Variants in KRTAP10-1 observed in about 807,000 individuals in gnomAD.
The protein encoded by KRTAP10-1 is keratin-associated protein 10-1.
For synonymous variants in KRTAP10-1, 155 were observed against 153.3 expected (o/e 1.01, Z -0.08); for missense variants, 364 against 369.2 (o/e 0.99, Z 0.12).
In KRTAP10-1 at chr21:44,540,025, G is replaced by T. The variant is rs1555917023; in HGVS notation, c.126C>A (p.Cys42Ter). 1 of 1,613,104 alleles carries T rather than the reference G, an allele frequency of 6.2e-7. No homozygotes were observed. The highest frequency in any genetic ancestry group is 1.1e-5 in the South Asian group (1 of 91,016). ...CALSCCAPAP[C>*]LTLVCTPVSR... Reference sequence around the variant, plus strand: ...TCACTGGGGTGCAGACCAGGGTCAGGCAGGGGGCCGGGGCGCAGCAGCTGA... The same window carrying T: ...TCACTGGGGTGCAGACCAGGGTCAGTCAGGGGGCCGGGGCGCAGCAGCTGA... The change falls in exon 1 of 1, where the codon TGC becomes TGA. Residue 42 changes from cysteine to a stop codon, truncating the protein, a stop_gained. Coordinates refer to ENST00000400375, the MANE Select transcript of KRTAP10-1 (RefSeq NM_198691.3). LOFTEE classifies it low-confidence loss of function (END_TRUNC).
Position 44,539,563 on chromosome 21 carries a change from GGGCTTGCAGCAGACA to G in KRTAP10-1, c.573_587del (p.Val192_Pro196del), listed in dbSNP as rs782419531. Reference sequence around the variant, plus strand: ...CAGAGCAGACGGGCACACAGCAGATGGGCTTGCAGCAGACAGGCTTGCAACGGACGGGCACGCAGC... The same window carrying G: ...CAGAGCAGACGGGCACACAGCAGATGGGCTTGCAACGGACGGGCACGCAGC... On this transcript the variant is annotated inframe_deletion, in exon 1 of 1. Coordinates refer to ENST00000400375, the MANE Select transcript of KRTAP10-1 (RefSeq NM_198691.3). The G allele has an allele frequency of 1.2e-6, 2 of 1,613,364 alleles. No homozygotes were observed. Among genetic ancestry groups the G allele is most frequent in the Non-Finnish European group, 1.7e-6 (2 of 1,179,836 alleles).
Position 44,539,280 on chromosome 21 carries a change from A to G in KRTAP10-1, c.*22T>C. On this transcript the variant is annotated 3_prime_UTR_variant, in exon 1 of 1. Transcript: ENST00000400375. ...AGGGCGGGTGCCCATCAGCAGCTGG[A>G]CTCCTGGCCTGAGCAGAGGCCTCAG... The G allele has an allele frequency of 6.2e-7, 1 of 1,601,756 alleles. No homozygotes were observed. The highest frequency in any genetic ancestry group is 2.2e-5 in the East Asian group (1 of 44,766).
chr21:44,539,988 T>C lies in KRTAP10-1; in HGVS notation c.163A>G (p.Ser55Gly). 1 of 1,613,260 alleles carries C rather than the reference T, an allele frequency of 6.2e-7. No individual in the cohort carries two copies. Among genetic ancestry groups the C allele is most frequent in the Non-Finnish European group, 8.5e-7 (1 of 1,179,908 alleles). ...LVCTPVSRVS[S>G]PCCQAACEPS... The stretch of plus-strand genomic sequence containing the variant: ...TCACAGGCTGCCTGGCAGCAGGGGC[T>C]GGACACACGGCTCACTGGGGTGCAG... The change falls in exon 1 of 1, where the codon AGC becomes GGC. Residue 55 changes from serine to glycine, a missense_variant. By Grantham distance (56) the Ser-to-Gly change is moderately conservative. Coordinates refer to ENST00000400375, the MANE Select transcript of KRTAP10-1 (RefSeq NM_198691.3).
chr21:44,539,148 C>G lies in KRTAP10-1; in HGVS notation c.*154G>C. 7.5e-7 allele frequency: 1 copy of G among 1,339,394 alleles called. No homozygotes were observed. The highest frequency in any genetic ancestry group is 1.5e-5 in the African/African-American group (1 of 67,834). The allele number at this position is 1,339,394 out of a possible 1,614,324, so 83.0% of individuals were successfully genotyped here. On this transcript the variant is annotated 3_prime_UTR_variant, in exon 1 of 1. Transcript: ENST00000400375. ...CTGGGGAGCTGCAAGGATGGAGGCT[C>G]CTGGGAGCAAGGAGGGGGGGTCACC...
In KRTAP10-1 at chr21:44,539,914, G is replaced by A. The variant is rs782474175; in HGVS notation, c.237C>T (p.Cys79=). 1.9e-6 allele frequency: 3 copies of A among 1,614,044 alleles called. No individual in the cohort carries two copies. The highest frequency in any genetic ancestry group is 3.3e-5 in the Admixed American group (2 of 60,026). Residue 79 remains cysteine (C), a synonymous_variant, in exon 1 of 1, where the codon TGC becomes TGT. Transcript: ENST00000400375. ...SGCTSSCTPS[C]CQQSSCQPAC... ...CCGGCTGGCAGCTAGACTGCTGGCAGCACGAGGGCGTGCAGGAGCTGGTGC... is the reference window on the plus strand; with the variant it reads ...CCGGCTGGCAGCTAGACTGCTGGCAACACGAGGGCGTGCAGGAGCTGGTGC...
chr21:44,540,067 C>T lies in KRTAP10-1; in HGVS notation c.84G>A (p.Glu28=), dbSNP rs199994041. 1.7e-5 allele frequency: 28 copies of T among 1,613,366 alleles called. No individual in the cohort carries two copies. Among genetic ancestry groups the T allele is most frequent in the Non-Finnish European group, 2.3e-5 (27 of 1,179,842 alleles). The change falls in exon 1 of 1, where the codon GAG becomes GAA. Residue 28 remains glutamate, a synonymous_variant. Transcript: ENST00000400375. ...QVDACPESCC[E]PHCCALSCCA... ...AGCAGCTGAGGGCGCAGCAGTGGGGCTCACAGCAGCTCTCTGGGCAGGCAT... is the reference window on the plus strand; with the variant it reads ...AGCAGCTGAGGGCGCAGCAGTGGGGTTCACAGCAGCTCTCTGGGCAGGCAT...
At position 44,539,311 on chromosome 21, in the gene KRTAP10-1, C is replaced by T. The variant is rs781877546; in HGVS notation, c.840G>A (p.Pro280=). ...SLLCRPACSR[P]AC The stretch of plus-strand genomic sequence containing the variant: ...GGCCTGAGCAGAGGCCTCAGCAGGC[C>T]GGGCGGGAGCACGCGGGGCGGCAGA... The change falls in exon 1 of 1, where the codon CCG becomes CCA. Residue 280 remains proline (P), a synonymous_variant. Transcript: ENST00000400375. 16 of 1,609,920 alleles carry T rather than the reference C, an allele frequency of 9.9e-6. No homozygotes were observed. The highest frequency in any genetic ancestry group is 8.0e-5 in the African/African-American group (6 of 74,858).
Position 44,539,525 on chromosome 21 carries a change from G to A in KRTAP10-1, c.626C>T (p.Ser209Leu), listed in dbSNP as rs1555916851. The A allele has an allele frequency of 1.9e-6, 3 of 1,613,690 alleles. No individual in the cohort carries two copies. The highest frequency in any genetic ancestry group is 1.3e-5 in the African/African-American group (1 of 74,972). Residue 209 changes from serine to leucine, a missense_variant, in exon 1 of 1, where the codon TCA becomes TTA. Coordinates refer to ENST00000400375, the MANE Select transcript of KRTAP10-1 (RefSeq NM_198691.3). ...CVPVCSGAST[S>L]CCQQSSCQPA... ...CTGGCAGCTAGACTGCTGGCAGCAT[G>A]AAGTGGAAGCCCCAGAGCAGACGGG... is the stretch of plus-strand genomic sequence containing the variant.
rs116872980 is a variant in KRTAP10-1 at position 44,539,397 on chromosome 21, A to G, written c.754T>C (p.Cys252Arg). 6.3e-4 allele frequency: 1,013 copies of G among 1,601,828 alleles called. 12 individuals are homozygous for G. The East Asian group carries it at 0.017, about 27-fold the overall frequency. Residue 252 changes from cysteine (C) to arginine (R), a missense_variant, in exon 1 of 1, where the codon TGT becomes CGT. Physicochemically the swap from Cys to Arg is radical, Grantham distance 180. Coordinates refer to ENST00000400375, the MANE Select transcript of KRTAP10-1 (RefSeq NM_198691.3). ...PACCMPVSSC[C>R]APASSCQASC... ...GCCTGGCAGGAGGAGGCAGGGGCACAGCAGGAGGAGACAGGCATACAGCAG... is the reference window on the plus strand; with the variant it reads ...GCCTGGCAGGAGGAGGCAGGGGCACGGCAGGAGGAGACAGGCATACAGCAG...
chr21:44,540,155 G>C lies in KRTAP10-1; in HGVS notation c.-5C>G, dbSNP rs374739884. 5 of 1,611,722 alleles carry C rather than the reference G, an allele frequency of 3.1e-6. No homozygotes were observed. The highest frequency in any genetic ancestry group is 4.2e-6 in the Non-Finnish European group (5 of 1,178,882). On this transcript the variant is annotated 5_prime_UTR_variant, in exon 1 of 1. Transcript: ENST00000400375. ...GGACATGGTGGACGCGGCCATGCTG[G>C]GGTGGGGAGGAGGTGAGCTGCGGGA... is the stretch of plus-strand genomic sequence containing the variant.
In KRTAP10-1 at chr21:44,539,875, G is replaced by A. The variant is rs782811799; in HGVS notation, c.276C>T (p.Ser92=). The change falls in exon 1 of 1, where the codon TCC becomes TCT. Residue 92 remains serine (S), a synonymous_variant. Transcript: ENST00000400375. ...QSSCQPACCT[S]SPCQQACCVP... Reference sequence around the variant, plus strand: ...CGCAGCAGGCCTGCTGGCAGGGGGAGGAGGTGCAGCAAGCCGGCTGGCAGC... The same window carrying A: ...CGCAGCAGGCCTGCTGGCAGGGGGAAGAGGTGCAGCAAGCCGGCTGGCAGC... The A allele has an allele frequency of 1.9e-6, 3 of 1,580,680 alleles. No homozygotes were observed. The African/African-American group carries it at 4.1e-5, about 22-fold the overall frequency.
Position 44,539,606 on chromosome 21 carries a change from G to A in KRTAP10-1, c.545C>T (p.Ala182Val). 2 of 1,613,814 alleles carry A rather than the reference G, an allele frequency of 1.2e-6. No individual in the cohort carries two copies. Among genetic ancestry groups the A allele is most frequent in the Non-Finnish European group, 1.7e-6 (2 of 1,179,908 alleles). ...CTTGCAACGGACGGGCACGCAGCAG[G>A]CCTGCTGGCAGGGGGAGGAGGTGCA... is the stretch of plus-strand genomic sequence containing the variant. ...ACCTSSPCQQ[A>V]CCVPVRCKPV... Residue 182 changes from alanine (A) to valine (V), a missense_variant, in exon 1 of 1, where the codon GCC becomes GTC. Coordinates refer to ENST00000400375, the MANE Select transcript of KRTAP10-1 (RefSeq NM_198691.3).
At position 44,539,700 on chromosome 21, in the gene KRTAP10-1, A is replaced by T. The variant is rs782384686; in HGVS notation, c.451T>A (p.Cys151Ser). 6 of 1,595,422 alleles carry T rather than the reference A, an allele frequency of 3.8e-6. No homozygotes were observed. In the African/African-American group the frequency reaches 6.7e-5, roughly 18 times the overall value. ...TCCTCAGAGCAGGTGGGCACATAGC[A>T]CACAGGCTTGCAGCAAACAGGCACA... ...CCVPVCCKPVCYVPTCSEDSS... is the reference protein window; with the variant it reads ...CCVPVCCKPVSYVPTCSEDSS... The change falls in exon 1 of 1, where the codon TGC (cysteine) becomes AGC (serine). Residue 151 changes from cysteine to serine, a missense_variant. Transcript: ENST00000400375.
Position 44,539,650 on chromosome 21 carries a change from A to G in KRTAP10-1, c.501T>C (p.Ser167=), listed in dbSNP as rs372043649. 9 of 1,596,182 alleles carry G rather than the reference A, an allele frequency of 5.6e-6. No homozygotes were observed. The highest frequency in any genetic ancestry group is 7.7e-6 in the Non-Finnish European group (9 of 1,170,680). The change falls in exon 1 of 1, where the codon TCT becomes TCC. Residue 167 remains serine, a synonymous_variant. Coordinates refer to ENST00000400375, the MANE Select transcript of KRTAP10-1 (RefSeq NM_198691.3). The part of the protein sequence containing the change: ...SEDSSSCCQQ[S]SCHPACCTSS... ...AGGTGCAGCAAGCTGGATGGCAGCTAGACTGCTGGCAGCATGAAGAGGAAT... is the reference window on the plus strand; with the variant it reads ...AGGTGCAGCAAGCTGGATGGCAGCTGGACTGCTGGCAGCATGAAGAGGAAT...
rs782401150 is a variant in KRTAP10-1, at chr21:44,539,999, C to T, written c.152G>A (p.Ser51Asn). The change falls in exon 1 of 1, where the codon AGC (serine) becomes AAC (asparagine). Residue 51 changes from serine to asparagine, a missense_variant. By Grantham distance (46) the Ser-to-Asn change is conservative. Coordinates refer to ENST00000400375, the MANE Select transcript of KRTAP10-1 (RefSeq NM_198691.3). ...CTGGCAGCAGGGGCTGGACACACGG[C>T]TCACTGGGGTGCAGACCAGGGTCAG... is the stretch of plus-strand genomic sequence containing the variant. ...PCLTLVCTPVSRVSSPCCQAA... is the reference protein window; with the variant it reads ...PCLTLVCTPVNRVSSPCCQAA... 3 of 1,613,104 alleles carry T rather than the reference C, an allele frequency of 1.9e-6. No individual in the cohort carries two copies. In the South Asian group the frequency reaches 3.3e-5, roughly 18 times the overall value.
At position 44,539,799 on chromosome 21, in the gene KRTAP10-1, A is replaced by G. The variant is rs1377310659; in HGVS notation, c.352T>C (p.Ser118Pro). 1.9e-6 allele frequency: 3 copies of G among 1,611,508 alleles called. No individual in the cohort carries two copies. The highest frequency in any genetic ancestry group is 1.7e-6 in the Non-Finnish European group (2 of 1,179,544). Reference protein sequence around the residue: ...VCCLPTCSKDSSSCCQQSSCQ... With the variant: ...VCCLPTCSKDPSSCCQQSSCQ... ...CTAGACTGCTGGCAGCATGAAGAGG[A>G]ATCCTTAGAGCAGGTGGGCAGGCAG... The change falls in exon 1 of 1, where the codon TCC becomes CCC. Residue 118 changes from serine (S) to proline (P), a missense_variant. Coordinates refer to ENST00000400375, the MANE Select transcript of KRTAP10-1 (RefSeq NM_198691.3).
rs201266518 is a variant in KRTAP10-1 at position 44,539,984 on chromosome 21, G to C, written c.167C>G (p.Pro56Arg). ...VCTPVSRVSS[P>R]CCQAACEPSP... The stretch of plus-strand genomic sequence containing the variant: ...GGGCTCACAGGCTGCCTGGCAGCAG[G>C]GGCTGGACACACGGCTCACTGGGGT... Residue 56 changes from proline to arginine, a missense_variant, in exon 1 of 1, where the codon CCC becomes CGC. Coordinates refer to ENST00000400375, the MANE Select transcript of KRTAP10-1 (RefSeq NM_198691.3). 2 of 1,613,338 alleles carry C rather than the reference G, an allele frequency of 1.2e-6. No individual in the cohort carries two copies. Among genetic ancestry groups the C allele is most frequent in the Non-Finnish European group, 1.7e-6 (2 of 1,179,930 alleles).
At position 44,540,194 on chromosome 21, in the gene KRTAP10-1, G is replaced by A. The variant is rs1206565396; in HGVS notation, c.-44C>T. On this transcript the variant is annotated 5_prime_UTR_variant, in exon 1 of 1. Coordinates refer to ENST00000400375, the MANE Select transcript of KRTAP10-1 (RefSeq NM_198691.3). ...TGAGCTGCGGGAGGTGTGAGTGAGTGAGTGTGGGAGTCAGTGTGTGTGTGA... is the reference window on the plus strand; with the variant it reads ...TGAGCTGCGGGAGGTGTGAGTGAGTAAGTGTGGGAGTCAGTGTGTGTGTGA... 2 of 1,594,192 alleles carry A rather than the reference G, an allele frequency of 1.3e-6. No individual in the cohort carries two copies. Among genetic ancestry groups the A allele is most frequent in the African/African-American group, 1.3e-5 (1 of 74,762 alleles).
In KRTAP10-1 at chr21:44,539,281, C is replaced by T; in HGVS notation, c.*21G>A. ...GGGCGGGTGCCCATCAGCAGCTGGACTCCTGGCCTGAGCAGAGGCCTCAGC... is the reference window on the plus strand; with the variant it reads ...GGGCGGGTGCCCATCAGCAGCTGGATTCCTGGCCTGAGCAGAGGCCTCAGC... On this transcript the variant is annotated 3_prime_UTR_variant, in exon 1 of 1. Coordinates refer to ENST00000400375, the MANE Select transcript of KRTAP10-1 (RefSeq NM_198691.3). 1 of 1,603,644 alleles carries T rather than the reference C, an allele frequency of 6.2e-7. No individual in the cohort carries two copies. The highest frequency in any genetic ancestry group is 1.3e-5 in the African/African-American group (1 of 74,936).
Sources: allele counts gnomAD v4.1 joint callset, GRCh38; gene constraint gnomAD v4.1.1; transcripts MANE v1.5; gene names NCBI Gene and HGNC (gene_info 2026-07-23, HGNC 2026-07-21).